The following IGSF21 variants were observed in gnomAD, a reference collection of about 807,000 sequenced individuals.
IGSF21 encodes immunoglobulin superfamily member 21.
IGSF21 carries 28 observed loss-of-function variants against 46.8 expected under a neutral mutation model. The ratio of observed to expected loss-of-function variants is 0.60; its 90% CI spans 0.44 to 0.82. The LOEUF is 0.82. IGSF21 is among the 40% of genes least tolerant of loss of function. The pLI, the probability that IGSF21 is intolerant of heterozygous loss-of-function variation, is 0.00. For synonymous variants in IGSF21, 284 were observed against 273.6 expected (o/e 1.04, Z -0.38); for missense variants, 624 against 665.5 (o/e 0.94, Z 0.69).
chr1:18,160,631 A>C (rs893651092), intron 1 of IGSF21, among the ~76,000 whole-genome samples: 9 of 151,980 alleles, frequency 5.9e-5, no homozygotes, highest in African/African-American at 2.2e-4. Flanking sequence ...AGGACCGGGC[A>C]CTCAGAGCGT....
intron 4 of IGSF21, among the ~76,000 whole-genome samples, chr1:18,347,889 C>A (rs2085911339): frequency 1.3e-5 from 2 of 152,308 alleles, no homozygotes; most frequent in Non-Finnish European, 2.9e-5. Context: ...TTGTGAGCAC[C>A]TACTGTGCAC....
chr1:18,327,993 G>A (rs1157313069), intron 3 of IGSF21, among the ~76,000 whole-genome samples: 2 of 152,202 alleles, frequency 1.3e-5, no homozygotes, highest in Non-Finnish European at 2.9e-5. Flanking sequence ...GACTCGACAG[G>A]ATGAGATTGA....
rs149985813 is a variant in IGSF21 at position 18,174,735 on chromosome 1, G to A, written c.71-53163G>A. On this transcript the variant is annotated intron_variant, in intron 1 of 9. Transcript: ENST00000251296. ...CGTCTGTTCGACACTGGCTCCCAGC[G>A]TTTCCCCAGGGCTTGAGCCCCGTTG... is the stretch of plus-strand genomic sequence containing the variant. 1.2e-3 allele frequency among the ~76,000 whole-genome samples: 188 copies of A among 152,342 alleles called. 1 individual carries two copies. Among genetic ancestry groups the A allele is most frequent in the African/African-American group, 4.2e-3 (175 of 41,578 alleles).
At chr1:18,147,679 T>C (rs2086482395) in intron 1 of IGSF21, among the ~76,000 whole-genome samples, 1 of 152,190 alleles carries the variant, frequency 6.6e-6, no homozygotes, top group Non-Finnish European at 1.5e-5. Context: ...TGATGAAACA[T>C]TGTGTACCTC....
intron 1 of IGSF21, among the ~76,000 whole-genome samples, chr1:18,141,226 A>G (rs1393824427): frequency 6.6e-6 from 1 of 152,172 alleles, no homozygotes; most frequent in Non-Finnish European, 1.5e-5. Context: ...GAAGACAGGG[A>G]GGAGGAGAGA....
chr1:18,158,942 G>A (rs955007927), intron 1 of IGSF21, among the ~76,000 whole-genome samples: 4 of 152,222 alleles, frequency 2.6e-5, no homozygotes, highest in Admixed American at 1.3e-4. Flanking sequence ...ACCCCCAGAG[G>A]TAGGAGGTGC....
chr1:18,180,123 C>A (rs938785128), intron 1 of IGSF21, among the ~76,000 whole-genome samples: 1 of 152,190 alleles, frequency 6.6e-6, no homozygotes, highest in Non-Finnish European at 1.5e-5. Flanking sequence ...CCTTAATTTT[C>A]TCCATAGCAC....
At chr1:18,253,162 A>G (rs2084858523) in intron 2 of IGSF21, among the ~76,000 whole-genome samples, 1 of 152,174 alleles carries the variant, frequency 6.6e-6, no homozygotes, top group Non-Finnish European at 1.5e-5. Context: ...TGCGTTTCCC[A>G]GCATCTTCAT....
At chr1:18,299,862 T>A (rs570646071) in intron 3 of IGSF21, among the ~76,000 whole-genome samples, 2 of 151,968 alleles carry the variant, frequency 1.3e-5, no homozygotes, top group Non-Finnish European at 2.9e-5. Context: ...AAATCAGGGG[T>A]GATTTTAGAA....
intron 3 of IGSF21, 128 bp downstream of exon 3, chr1:18,292,115 G>T: frequency 1.0e-6 from 1 of 1,000,790 alleles, no homozygotes; most frequent in South Asian, 1.5e-5. Flanking sequence ...GGCAGAACTG[G>T]GGGCTCCCCT....
intron 1 of IGSF21, among the ~76,000 whole-genome samples, chr1:18,121,038 C>T (rs1281900674): frequency 6.6e-6 from 1 of 152,110 alleles, no homozygotes; most frequent in East Asian, 1.9e-4. Context: ...GTCATCTTTC[C>T]ACCATCCCCA....
intron 2 of IGSF21, among the ~76,000 whole-genome samples, chr1:18,273,429 C>CTTT (rs1557618268): frequency 7.4e-6 from 1 of 134,656 alleles, no homozygotes; most frequent in African/African-American, 3.0e-5. Flanking sequence ...CCTTTCCTTT[C>CTTT]CTTTCTTTCT....
At chr1:18,152,819 G>T (rs2086532916) in intron 1 of IGSF21, among the ~76,000 whole-genome samples, 1 of 152,136 alleles carries the variant, frequency 6.6e-6, no homozygotes, top group Non-Finnish European at 1.5e-5. Context: ...TTCACGTAGG[G>T]TTCCATGATC....
chr1:18,126,082 T>C (rs972226580), intron 1 of IGSF21, among the ~76,000 whole-genome samples: 1 of 152,110 alleles, frequency 6.6e-6, no homozygotes, highest in African/African-American at 2.4e-5. Flanking sequence ...GCAGCCGGCC[T>C]TTGGTTTTCA....
chr1:18,151,621 A>C (rs901777392), intron 1 of IGSF21, among the ~76,000 whole-genome samples: 1 of 151,996 alleles, frequency 6.6e-6, no homozygotes, highest in East Asian at 1.9e-4. Flanking sequence ...TGAATAATTC[A>C]CACCATGGTA....
At chr1:18,284,582 T>C (rs1382617733) in intron 2 of IGSF21, among the ~76,000 whole-genome samples, 1 of 152,216 alleles carries the variant, frequency 6.6e-6, no homozygotes, top group Non-Finnish European at 1.5e-5. Context: ...TGAGTTTGTT[T>C]AATATCCCTC....
intron 2 of IGSF21, among the ~76,000 whole-genome samples, chr1:18,270,626 G>T (rs2124544911): frequency 6.6e-6 from 1 of 152,294 alleles, no homozygotes; most frequent in Non-Finnish European, 1.5e-5. Context: ...ATTAACTAGA[G>T]ACCAGATTTC....
At chr1:18,181,635 G>A (rs1423820903) in intron 1 of IGSF21, among the ~76,000 whole-genome samples, 1 of 152,168 alleles carries the variant, frequency 6.6e-6, no homozygotes, top group Non-Finnish European at 1.5e-5. Flanking sequence ...TAGGCAGAAT[G>A]TCAGCTCTGT....
At chr1:18,201,187 T>G (rs1335045359) in intron 1 of IGSF21, among the ~76,000 whole-genome samples, 1 of 152,010 alleles carries the variant, frequency 6.6e-6, no homozygotes, top group Non-Finnish European at 1.5e-5. Flanking sequence ...TCAGCATGGG[T>G]GAGCAGCCCT....
Sources: allele counts gnomAD v4.1 joint callset (sites outside exome capture counted in the v4.1 genomes callset), GRCh38; gene constraint gnomAD v4.1.1; transcripts MANE v1.5; gene names NCBI Gene and HGNC (gene_info 2026-07-23, HGNC 2026-07-21).